Variants in PDE8B observed in about 807,000 individuals in gnomAD.
PDE8B encodes phosphodiesterase 8B, also known as high affinity cAMP-specific and IBMX-insensitive 3',5'-cyclic phosphodiesterase 8B.
Under a neutral mutation model 101.3 loss-of-function variants are expected in PDE8B, and 26 were observed. That is an observed-to-expected ratio of 0.26 (90% CI 0.19 to 0.36). PDE8B has a LOEUF of 0.36. Among genes scored for constraint, PDE8B ranks in the 10% least tolerant of loss-of-function variants. The pLI, the probability that PDE8B is intolerant of heterozygous loss-of-function variation, is 1.00. For synonymous variants in PDE8B, 424 were observed against 429.3 expected (o/e 0.99, Z 0.15); for missense variants, 810 against 1,163.1 (o/e 0.70, Z 4.42).
At chr5:77,275,832 C>T (rs751418046) in intron 1 of PDE8B, among the ~76,000 whole-genome samples, 112 of 152,170 alleles carry the variant, frequency 7.4e-4, no homozygotes, top group Admixed American at 1.2e-3. Flanking sequence ...GATATCTAAC[C>T]GCATGAGGTT....
intron 12 of PDE8B, among the ~76,000 whole-genome samples, chr5:77,405,471 G>A (rs1274788129): frequency 6.6e-6 from 1 of 152,192 alleles, no homozygotes; most frequent in Non-Finnish European, 1.5e-5. Context: ...GAGATGGCTA[G>A]GAAGCTAACC....
intron 10 of PDE8B, among the ~76,000 whole-genome samples, chr5:77,395,375 A>G (rs1790822979): frequency 6.6e-6 from 1 of 151,798 alleles, no homozygotes; most frequent in African/African-American, 2.4e-5. Context: ...TCAGCCTCCC[A>G]AAGTGCTGGG....
At chr5:77,315,022 T>C (rs1391200054) in intron 2 of PDE8B, among the ~76,000 whole-genome samples, 1 of 152,140 alleles carries the variant, frequency 6.6e-6, no homozygotes, top group Non-Finnish European at 1.5e-5. Context: ...TTTAATTGGG[T>C]TAATTTTTAA....
the PDE8B span, among the ~76,000 whole-genome samples, chr5:77,143,223 G>A: frequency 9.9e-4 from 151 of 152,240 alleles, no homozygotes; most frequent in Admixed American, 1.9e-3. Context: ...TCTCAACATC[G>A]GAGAACTCCT....
intron 1 of PDE8B, among the ~76,000 whole-genome samples, chr5:77,294,612 A>G (rs1338236665): frequency 6.6e-6 from 1 of 152,056 alleles, no homozygotes; most frequent in Non-Finnish European, 1.5e-5. Context: ...AGACAACAGA[A>G]AAATATGAAA....
At chr5:77,311,325 A>C (rs1561508602) in intron 1 of PDE8B, among the ~76,000 whole-genome samples, 1 of 152,200 alleles carries the variant, frequency 6.6e-6, no homozygotes, top group Non-Finnish European at 1.5e-5. Context: ...TTGGCCAGTG[A>C]ACACTGAAGA....
chr5:77,214,913 C>A (rs575279984), intron 1 of PDE8B, among the ~76,000 whole-genome samples: 1 of 152,090 alleles, frequency 6.6e-6, no homozygotes, highest in African/African-American at 2.4e-5. Flanking sequence ...AGAACCACTG[C>A]TTTTTACAGT....
At chr5:77,238,611 T>C (rs1314168841) in intron 1 of PDE8B, among the ~76,000 whole-genome samples, 3 of 152,188 alleles carry the variant, frequency 2.0e-5, no homozygotes, top group Non-Finnish European at 4.4e-5. Context: ...AGGATACACA[T>C]AGATATACAG....
intron 1 of PDE8B, among the ~76,000 whole-genome samples, chr5:77,217,992 C>T (rs1324149979): frequency 6.6e-6 from 1 of 152,114 alleles, no homozygotes; most frequent in African/African-American, 2.4e-5. Flanking sequence ...TTTCTTTCAT[C>T]CCCTCCTTTC....
chr5:77,114,168 C>A, the PDE8B span: 10 of 152,102 alleles, frequency 6.6e-5, no homozygotes, highest in African/African-American at 2.2e-4. Flanking sequence ...TGGGTATATA[C>A]CCAAAGGATT....
chr5:77,215,819 A>G (rs767600883), intron 1 of PDE8B, among the ~76,000 whole-genome samples: 1 of 152,186 alleles, frequency 6.6e-6, no homozygotes, highest in Non-Finnish European at 1.5e-5. Flanking sequence ...AGTTTGTTCA[A>G]CCAGCAAAGT....
chr5:77,366,599 T>C (rs541885335), intron 10 of PDE8B, among the ~76,000 whole-genome samples: 42 of 152,204 alleles, frequency 2.8e-4, no homozygotes, highest in Non-Finnish European at 5.9e-4. Context: ...TTGGCGCCTA[T>C]GCTTGGGGAA....
At chr5:77,303,807 C>A (rs1770536099) in intron 1 of PDE8B, among the ~76,000 whole-genome samples, 1 of 152,092 alleles carries the variant, frequency 6.6e-6, no homozygotes, top group Non-Finnish European at 1.5e-5. Context: ...CTAAAACTTG[C>A]AATTTTTTGT....
chr5:77,373,680 T>C (rs538594399), intron 10 of PDE8B, among the ~76,000 whole-genome samples: 2 of 152,358 alleles, frequency 1.3e-5, no homozygotes, highest in African/African-American at 4.8e-5. Context: ...TATTTTCTTA[T>C]TGTAATAGCT....
chr5:77,298,784 G>T (rs1278537816), intron 1 of PDE8B, among the ~76,000 whole-genome samples: 1 of 152,086 alleles, frequency 6.6e-6, no homozygotes, highest in Non-Finnish European at 1.5e-5. Flanking sequence ...TCCGTGAATT[G>T]GTCTTCTTCC....
In PDE8B at chr5:77,412,215, G is replaced by A. The variant is rs1175121878; in HGVS notation, c.1692G>A (p.Leu564=). 1 of 1,614,048 alleles carries A rather than the reference G, an allele frequency of 6.2e-7. No homozygotes were observed. The highest frequency in any genetic ancestry group is 2.2e-5 in the East Asian group (1 of 44,866). The change falls in exon 16 of 22, where the codon TTG becomes TTA. Residue 564 remains leucine, a synonymous_variant. Coordinates refer to ENST00000264917, the MANE Select transcript of PDE8B (RefSeq NM_003719.5). ...GTTGGGACTTCAACATCTTTGAATT[G>A]GAAGCCATTACGCATAAAAGGTATG... ...EESWDFNIFE[L]EAITHKRPLV...
chr5:77,334,688 G>A (rs1034835222), intron 5 of PDE8B, among the ~76,000 whole-genome samples: 1 of 152,128 alleles, frequency 6.6e-6, no homozygotes, highest in African/African-American at 2.4e-5. Context: ...TGCAGAGGAG[G>A]AAACAGGCTC....
chr5:77,412,423 A>G (rs547930901), intron 16 of PDE8B, among the ~76,000 whole-genome samples, 188 bp downstream of exon 16: 1 of 152,160 alleles, frequency 6.6e-6, no homozygotes, highest in African/African-American at 2.4e-5. Flanking sequence ...CTTTGTGGAG[A>G]GTATTAGTAA....
chr5:77,228,098 T>C (rs1752806369), intron 1 of PDE8B, among the ~76,000 whole-genome samples: 1 of 152,144 alleles, frequency 6.6e-6, no homozygotes, highest in South Asian at 2.1e-4. Context: ...GAGAAAATCT[T>C]CCAAGCTTAT....
Sources: allele counts gnomAD v4.1 joint callset (sites outside exome capture counted in the v4.1 genomes callset), GRCh38; gene constraint gnomAD v4.1.1; transcripts MANE v1.5; gene names NCBI Gene and HGNC (gene_info 2026-07-23, HGNC 2026-07-21).